The following HELLS variants were observed in gnomAD, a reference collection of about 807,000 sequenced individuals.
The protein encoded by HELLS is lymphoid-specific helicase.
In HELLS, 32 loss-of-function variants were observed where a neutral mutation model predicts 120.0. That is an observed-to-expected ratio of 0.27 (90% CI 0.20 to 0.36). The LOEUF (loss-of-function observed/expected upper bound fraction) is 0.36, where lower values mean the gene tolerates loss of function less well. Ranked by LOEUF, HELLS falls within the 10% of genes least tolerant of loss-of-function variation. The probability of loss-of-function intolerance (pLI) is 1.00; values close to 1 mark genes in which losing one functional copy is unlikely to be tolerated. For missense variants in HELLS, 650 were observed against 993.4 expected (o/e 0.65, Z 4.65); for synonymous variants, 341 against 323.4 (o/e 1.05, Z -0.58).
chr10:94,601,215 G>T (rs1339596441), intron 21 of HELLS, among the ~76,000 whole-genome samples: 1 of 152,092 alleles, frequency 6.6e-6, no homozygotes, highest in Non-Finnish European at 1.5e-5. Context: ...GATTCAAATT[G>T]ATATTATTTA....
At position 94,578,173 on chromosome 10, in the gene HELLS, G is replaced by T. The variant is rs112911696; in HGVS notation, c.1032+1368G>T. On this transcript the variant is annotated intron_variant, in intron 10 of 21. Transcript: ENST00000348459. ...TGCTTAAACCCAGGAGGTGGAGGTT[G>T]CAGTGAGCTGTGATTGCGCCACTGC... Among the ~76,000 whole-genome samples the T allele has an allele frequency of 3.0e-3, 452 of 151,822 alleles. 1 individual carries two copies. Among genetic ancestry groups the T allele is most frequent in the African/African-American group, 0.011 (435 of 41,412 alleles).
intron 11 of HELLS, among the ~76,000 whole-genome samples, chr10:94,582,535 T>C (rs2134082592): frequency 6.6e-6 from 1 of 152,316 alleles, no homozygotes; most frequent in African/African-American, 2.4e-5. Context: ...GCATGTATAT[T>C]ATTGTCAAGT....
At chr10:94,582,467 A>G (rs1253477038) in intron 11 of HELLS, among the ~76,000 whole-genome samples, 1 of 152,172 alleles carries the variant, frequency 6.6e-6, no homozygotes, top group Non-Finnish European at 1.5e-5. Flanking sequence ...ATTAATCTGC[A>G]TGCTCATACT....
At chr10:94,549,644 T>A (rs143028616) in intron 2 of HELLS, among the ~76,000 whole-genome samples, 39 of 152,248 alleles carry the variant, frequency 2.6e-4, no homozygotes, top group Non-Finnish European at 5.0e-4. Context: ...ATGGGGTAGA[T>A]AATGAGGAAT....
chr10:94,585,372 TTTG>T (rs200673122), intron 12 of HELLS, among the ~76,000 whole-genome samples: 3 of 129,414 alleles, frequency 2.3e-5, no homozygotes, highest in Admixed American at 7.7e-5. Flanking sequence ...GTTTTTTTTT[TTTG>T]TTTGTTTTTG....
Position 94,601,638 on chromosome 10 carries a change from T to C in HELLS, c.*16T>C, listed in dbSNP as rs576184817. On this transcript the variant is annotated 3_prime_UTR_variant, in exon 22 of 22. Coordinates refer to ENST00000348459, the MANE Select transcript of HELLS (RefSeq NM_018063.5). ...TTTGTTTTAAAGTGGAGCTCAAGAA[T>C]AGCTTTTAAAAGTTCTTATTTACAT... The C allele has an allele frequency of 2.2e-6, 3 of 1,379,594 alleles. No homozygotes were observed. The highest frequency in any genetic ancestry group is 2.3e-5 in the East Asian group (1 of 43,408). 85.5% of individuals were successfully genotyped at this position (1,379,594 alleles called of 1,614,324 possible).
chr10:94,571,783 G>T (rs1404005907), intron 7 of HELLS, among the ~76,000 whole-genome samples: 1 of 152,166 alleles, frequency 6.6e-6, no homozygotes, highest in African/African-American at 2.4e-5. Context: ...TCTTGCTTCA[G>T]ACCTTAAAGA....
intron 4 of HELLS, among the ~76,000 whole-genome samples, chr10:94,561,006 A>G (rs1163637611): frequency 6.6e-6 from 1 of 151,672 alleles, no homozygotes; most frequent in Non-Finnish European, 1.5e-5. Context: ...CAGTGAGCTG[A>G]GATCATGCTA....
chr10:94,588,170 T>C (rs1845275473), intron 12 of HELLS, 59 bp from the exon 13 acceptor site: 1 of 993,824 alleles, frequency 1.0e-6, no homozygotes, highest in East Asian at 2.6e-5. Context: ...GGGGACAGTA[T>C]TCCTTGAAAA....
intron 9 of HELLS, among the ~76,000 whole-genome samples, chr10:94,576,026 A>G (rs144184959): frequency 0.028 from 4,257 of 151,700 alleles, 94 homozygotes; most frequent in South Asian, 0.045. Context: ...GGAACTCCCG[A>G]CCTCAGGTGG....
At chr10:94,567,200 G>T (rs1371938699) in intron 6 of HELLS, among the ~76,000 whole-genome samples, 3 of 151,794 alleles carry the variant, frequency 2.0e-5, no homozygotes, top group African/African-American at 7.3e-5. Context: ...TTCCTCACTG[G>T]GTCTTTGCCT....
In HELLS at chr10:94,558,139, G is replaced by T; in HGVS notation, c.277G>T (p.Glu93Ter). ...GACATAAGAAAAAATTGTCTTACAG[G>T]AACAGAAGAAGAAAGAAAAATTGGA... ...LTKMEQQQLE[E>*]QKKKEKLERK... Residue 93 changes from glutamate to a stop codon, truncating the protein, a stop_gained and splice_region_variant, in exon 4 of 22, where the codon GAA becomes TAA. Coordinates refer to ENST00000348459, the MANE Select transcript of HELLS (RefSeq NM_018063.5). LOFTEE classifies it high-confidence loss of function. 1 of 1,563,300 alleles carries T rather than the reference G, an allele frequency of 6.4e-7. No individual in the cohort carries two copies. Among genetic ancestry groups the T allele is most frequent in the South Asian group, 1.3e-5 (1 of 78,928 alleles).
chr10:94,574,879 A>AC (rs1844355676), intron 9 of HELLS, 143 bp downstream of exon 9: 1 of 606,896 alleles, frequency 1.6e-6, no homozygotes, highest in Admixed American at 3.1e-5. Context: ...CTCAATCTGC[A>AC]CAATACCCTA....
At chr10:94,607,288 C>G (rs1207710959) in intron 8 of HELLS, among the ~76,000 whole-genome samples, 4 of 152,180 alleles carry the variant, frequency 2.6e-5, no homozygotes, top group African/African-American at 9.7e-5. Flanking sequence ...TTTCTGTTGT[C>G]TATTGAGTCA....
chr10:94,570,558 C>G (rs1170859343), intron 6 of HELLS: 1 of 151,790 alleles, frequency 6.6e-6, no homozygotes, highest in Non-Finnish European at 1.5e-5. Flanking sequence ...TACTTCATCC[C>G]CTATGCCTTC....
chr10:94,592,556 A>T, intron 17 of HELLS, 42 bp downstream of exon 17: 1 of 1,246,640 alleles, frequency 8.0e-7, no homozygotes. Context: ...ATTCTTTTAT[A>T]ATTCCTATCT....
Position 94,546,404 on chromosome 10 carries a change from A to G in HELLS, c.59A>G (p.Gln20Arg), listed in dbSNP as rs1474859856. The G allele has an allele frequency of 3.1e-6, 5 of 1,614,048 alleles. No homozygotes were observed. In the African/African-American group the frequency reaches 6.7e-5, roughly 22 times the overall value. The change falls in exon 2 of 22, where the codon CAA becomes CGA. Residue 20 changes from glutamine (Q) to arginine (R), a missense_variant. By Grantham distance (43) the Gln-to-Arg change is conservative (BLOSUM62 1). Transcript: ENST00000348459. ...TCGGAGGCTCCAGCAATGGTTGAAC[A>G]ACTGGACACTGCTGTGATTACCCCG... is the stretch of plus-strand genomic sequence containing the variant. ...GGSEAPAMVE[Q>R]LDTAVITPAM...
chr10:94,574,520 C>G, intron 8 of HELLS, 34 bp from the exon 9 acceptor site: 1 of 1,479,980 alleles, frequency 6.8e-7, no homozygotes, highest in Non-Finnish European at 9.4e-7. Flanking sequence ...TGTTTATATC[C>G]AAGTTTAAAT....
chr10:94,579,501 T>C (rs1036571997), intron 10 of HELLS, among the ~76,000 whole-genome samples: 1 of 151,974 alleles, frequency 6.6e-6, no homozygotes, highest in African/African-American at 2.4e-5. Context: ...ATAGCTAACA[T>C]GTAGGTATAA....
Sources: gnomAD v4.1 joint callset for allele counts (sites outside exome capture counted in the v4.1 genomes callset) on GRCh38, gnomAD v4.1.1 for gene constraint, MANE v1.5 for transcripts, NCBI Gene and HGNC (gene_info 2026-07-23, HGNC 2026-07-21) for gene names.